The following ST3GAL6 variants were observed in gnomAD, a reference collection of about 807,000 sequenced individuals.
The protein encoded by ST3GAL6 is type 2 lactosamine alpha-2,3-sialyltransferase.
In ST3GAL6, 31 loss-of-function variants were observed where a neutral mutation model predicts 40.5. The ratio of observed to expected loss-of-function variants is 0.77; its 90% CI spans 0.58 to 1.03. ST3GAL6 has a LOEUF of 1.03. ST3GAL6 is among the 50% of genes least tolerant of loss of function. ST3GAL6 has a pLI of 0.00. For missense variants in ST3GAL6, 357 were observed against 393.2 expected, an observed-to-expected ratio of 0.91 and a Z score of 0.78; for synonymous variants, 129 against 136.9, an observed-to-expected ratio of 0.94 and a Z score of 0.40.
chr3:98,738,080 TC>T (rs1553708059), intron 1 of ST3GAL6, among the ~76,000 whole-genome samples: 1 of 135,412 alleles, frequency 7.4e-6, no homozygotes, highest in Admixed American at 7.5e-5. Context: ...TTGTTTAGCC[TC>T]CCCCCGCCCT....
intron 1 of ST3GAL6, chr3:98,733,228 G>A (rs1935202456): frequency 1.0e-6 from 1 of 963,482 alleles, no homozygotes; most frequent in Non-Finnish European, 1.2e-6. Flanking sequence ...CCGCGAGCCA[G>A]CCGGCGTGCG....
upstream of ST3GAL6, among the ~76,000 whole-genome samples, chr3:98,760,395 T>C (rs751902647): frequency 7.2e-5 from 11 of 152,140 alleles, no homozygotes; most frequent in Non-Finnish European, 1.3e-4. Flanking sequence ...ATAACAGAGG[T>C]GTAAAATAGT....
intron 1 of ST3GAL6, chr3:98,732,679 C>G (rs1935124599): frequency 8.7e-6 from 5 of 575,074 alleles, no homozygotes; most frequent in Non-Finnish European, 1.4e-5. Flanking sequence ...AGGAGCTTCC[C>G]GCGACTCCGG....
chr3:98,750,532 G>A (rs1169544234), intron 1 of ST3GAL6, among the ~76,000 whole-genome samples: 2 of 151,936 alleles, frequency 1.3e-5, no homozygotes, highest in Admixed American at 6.6e-5. Flanking sequence ...GCCACTCAAA[G>A]CAGGGGCTTC....
rs1474864850 is a variant in ST3GAL6 at position 98,794,520 on chromosome 3, A to T, written c.*759A>T. On this transcript the variant is annotated 3_prime_UTR_variant, in exon 10 of 10. Coordinates refer to ENST00000483910, the MANE Select transcript of ST3GAL6 (RefSeq NM_001323368.2). The stretch of plus-strand genomic sequence containing the variant: ...TTTTTTTTGCCTGACTTACTTATTC[A>T]TTAAATTTTGAAGGTTTTCCACTTG... 6.6e-6 allele frequency: 1 copy of T among 152,182 alleles called. No homozygotes were observed. The highest frequency in any genetic ancestry group is 2.4e-5 in the African/African-American group (1 of 41,438). 9.4% of individuals were successfully genotyped at this position (152,182 alleles called of 1,614,324 possible).
At chr3:98,744,202 C>A (rs1380491608) in intron 1 of ST3GAL6, among the ~76,000 whole-genome samples, 2 of 152,218 alleles carry the variant, frequency 1.3e-5, no homozygotes, top group African/African-American at 4.8e-5. Context: ...TCAGAGGGAG[C>A]ATGGCCCTGC....
At chr3:98,744,953 G>A (rs998344991) in intron 1 of ST3GAL6, among the ~76,000 whole-genome samples, 1 of 151,934 alleles carries the variant, frequency 6.6e-6, no homozygotes, top group Non-Finnish European at 1.5e-5. Context: ...ACCATGCAGA[G>A]CATACTAGAC....
intron 1 of ST3GAL6, among the ~76,000 whole-genome samples, chr3:98,746,011 A>G (rs1465648128): frequency 2.0e-5 from 3 of 152,116 alleles, no homozygotes; most frequent in Admixed American, 6.6e-5. Context: ...GATGGGTATA[A>G]TTATCTGTGA....
At chr3:98,781,033 G>A (rs1290730517) in intron 5 of ST3GAL6, among the ~76,000 whole-genome samples, 1 of 152,160 alleles carries the variant, frequency 6.6e-6, no homozygotes, top group South Asian at 2.1e-4. Context: ...GCACATGTAT[G>A]TTTATTGCAG....
rs149788151 is a variant in ST3GAL6, at chr3:98,734,193, G to A, written c.-12+1661G>A. Among the ~76,000 whole-genome samples, 18 of 152,232 alleles carry A rather than the reference G, an allele frequency of 1.2e-4. No individual in the cohort carries two copies. In the East Asian group the frequency reaches 3.5e-3, roughly 29 times the overall value. ...ATAAAACTGTCTTTTTATTTACAGG[G>A]AGATGTTAAATATTTGGGAACATCT... On this transcript the variant is annotated intron_variant, in intron 1 of 9. Coordinates refer to the ST3GAL6 transcript ENST00000265261.
intron 1 of ST3GAL6, among the ~76,000 whole-genome samples, chr3:98,738,545 C>T (rs552897177): frequency 1.5e-4 from 23 of 152,100 alleles, no homozygotes; most frequent in African/African-American, 4.8e-4. Flanking sequence ...CCCAAAGTGT[C>T]GGGATTACAG....
chr3:98,790,881 A>G (rs145439613), intron 8 of ST3GAL6, among the ~76,000 whole-genome samples: 3 of 151,942 alleles, frequency 2.0e-5, no homozygotes, highest in African/African-American at 7.2e-5. Context: ...AGGCTGAATG[A>G]CTCCTAGGTT....
chr3:98,747,741 A>C (rs1936669515), intron 1 of ST3GAL6, among the ~76,000 whole-genome samples: 2 of 152,212 alleles, frequency 1.3e-5, no homozygotes, highest in South Asian at 4.1e-4. Flanking sequence ...CAAATTTCAG[A>C]ATATTATGTA....
chr3:98,784,945 C>T lies in ST3GAL6; in HGVS notation c.336C>T (p.Asn112=), dbSNP rs905214302. Residue 112 remains asparagine (N), a splice_region_variant and synonymous_variant, in exon 6 of 10, where the codon AAC becomes AAT. Transcript: ENST00000483910. ...TCTCACTTGTCCATCTGTCCAACAG[C>T]ATACCCTGTAAAAAGTGTGTGGTGG... ...QSCDLFDEFD[N]IPCKKCVVVG... The T allele has an allele frequency of 1.9e-6, 3 of 1,593,496 alleles. No individual in the cohort carries two copies. The highest frequency in any genetic ancestry group is 2.7e-5 in the African/African-American group (2 of 74,002).
intron 2 of ST3GAL6, among the ~76,000 whole-genome samples, chr3:98,768,737 T>G (rs544079469): frequency 3.9e-4 from 60 of 152,216 alleles, no homozygotes; most frequent in Non-Finnish European, 7.5e-4. Context: ...CTACTTTCTA[T>G]TGACTTCCCA....
intron 1 of ST3GAL6, among the ~76,000 whole-genome samples, chr3:98,737,295 C>T (rs1231839294): frequency 6.6e-6 from 1 of 152,194 alleles, no homozygotes; most frequent in Non-Finnish European, 1.5e-5. Context: ...AGGTGATCCG[C>T]CCACTTCGGC....
chr3:98,751,542 G>A (rs558914745), intron 1 of ST3GAL6, among the ~76,000 whole-genome samples: 1 of 152,226 alleles, frequency 6.6e-6, no homozygotes, highest in African/African-American at 2.4e-5. Flanking sequence ...TTTGAAAATT[G>A]AAACATTTAT....
intron 5 of ST3GAL6, among the ~76,000 whole-genome samples, chr3:98,777,121 G>T (rs1026918421): frequency 1.3e-5 from 2 of 152,156 alleles, no homozygotes; most frequent in African/African-American, 4.8e-5. Flanking sequence ...CACCGATCAC[G>T]CCTACCTCCC....
In ST3GAL6 at chr3:98,736,653, G is replaced by C. The variant is rs182176995; in HGVS notation, c.-12+4121G>C. Among the ~76,000 whole-genome samples the C allele has an allele frequency of 2.0e-5, 3 of 152,306 alleles. No individual in the cohort carries two copies. In the East Asian group the frequency reaches 5.8e-4, roughly 29 times the overall value. On this transcript the variant is annotated intron_variant, in intron 1 of 9. Coordinates refer to the ST3GAL6 transcript ENST00000265261. ...ATCCATGAGATGGGACTTCCCTAAT[G>C]GTCAACCAACATTCACTGAATGTCC...
Sources: gnomAD v4.1 joint callset for allele counts (sites outside exome capture counted in the v4.1 genomes callset) on GRCh38, gnomAD v4.1.1 for gene constraint, MANE v1.5 for transcripts, NCBI Gene and HGNC (gene_info 2026-07-23, HGNC 2026-07-21) for gene names.